The following METAP1 variants were observed in gnomAD, a reference collection of about 807,000 sequenced individuals.
METAP1 encodes the protein methionine aminopeptidase 1.
Under a neutral mutation model 53.8 loss-of-function variants are expected in METAP1, and 28 were observed. The observed-to-expected ratio is 0.52, with a 90% CI of 0.39 to 0.71. The LOEUF (loss-of-function observed/expected upper bound fraction) is 0.71, where lower values mean the gene tolerates loss of function less well. Ranked by LOEUF, METAP1 falls within the 30% of genes least tolerant of loss-of-function variation. The pLI is 0.00. For missense variants in METAP1, 389 were observed against 479.8 expected (o/e 0.81, Z 1.77); for synonymous variants, 181 against 165.7 (o/e 1.09, Z -0.71).
rs1429050088 is a variant in METAP1, at chr4:99,051,428, T to G, written c.931+2552T>G. Among the ~76,000 whole-genome samples the G allele has an allele frequency of 2.6e-5, 4 of 152,150 alleles. 1 individual carries two copies. Among genetic ancestry groups the G allele is most frequent in the African/African-American group, 9.7e-5 (4 of 41,428 alleles). On this transcript the variant is annotated intron_variant, in intron 9 of 10. Transcript: ENST00000296411. Reference sequence around the variant, plus strand: ...TTTTTTGAGACAGGATCTCGCTGTGTCGCCTAGGCTAAAGTGTAGTGGTGC... The same window carrying G: ...TTTTTTGAGACAGGATCTCGCTGTGGCGCCTAGGCTAAAGTGTAGTGGTGC...
chr4:99,039,428 C>A lies in METAP1; in HGVS notation c.395C>A (p.Ser132Ter). 6.2e-7 allele frequency: 1 copy of A among 1,610,754 alleles called. No homozygotes were observed. Among genetic ancestry groups the A allele is most frequent in the Non-Finnish European group, 8.5e-7 (1 of 1,177,326 alleles). The change falls in exon 5 of 11, where the codon TCA (serine) becomes TAA (stop). Residue 132 changes from serine (S) to a stop codon, truncating the protein, a stop_gained. Coordinates refer to ENST00000296411, the MANE Select transcript of METAP1 (RefSeq NM_015143.3). LOFTEE classifies it high-confidence loss of function. ...LKGTSQIKLL[S>*]SEDIEGMRLV... is the part of the protein sequence containing the mutation. ...GGTACTTCTCAGATTAAATTACTCTCATCTGAAGATATAGAAGGGATGCGA... is the reference window on the plus strand; with the variant it reads ...GGTACTTCTCAGATTAAATTACTCTAATCTGAAGATATAGAAGGGATGCGA...
At chr4:99,037,152 T>C (rs1725478432) in intron 4 of METAP1, among the ~76,000 whole-genome samples, 2 of 151,796 alleles carry the variant, frequency 1.3e-5, no homozygotes, top group South Asian at 4.1e-4. Context: ...TTAGCCTTTT[T>C]TTCCCTGTTA....
At chr4:99,052,042 G>C (rs1451705656) in intron 9 of METAP1, among the ~76,000 whole-genome samples, 1 of 152,160 alleles carries the variant, frequency 6.6e-6, no homozygotes. Flanking sequence ...CTAGACCCTT[G>C]CAATATAGTG....
chr4:99,043,936 T>C (rs1726043630), intron 7 of METAP1, among the ~76,000 whole-genome samples: 1 of 152,174 alleles, frequency 6.6e-6, no homozygotes, highest in East Asian at 1.9e-4. Context: ...TTGTTTTGTG[T>C]ATTATTTTAT....
chr4:99,057,741 C>CT lies in METAP1; in HGVS notation c.932-9dup. 1 of 1,569,386 alleles carries CT rather than the reference C, an allele frequency of 6.4e-7. No individual in the cohort carries two copies. ...TTTTGCTACCTTTTGAGATTTTTTTCTTTGATTTCAGAAAATAAAGCAGTT... is the reference window on the plus strand; with the variant it reads ...TTTTGCTACCTTTTGAGATTTTTTTCTTTTGATTTCAGAAAATAAAGCAGTT... On this transcript the variant is annotated splice_polypyrimidine_tract_variant and intron_variant, in intron 9 of 10. Coordinates refer to ENST00000296411, the MANE Select transcript of METAP1 (RefSeq NM_015143.3).
At chr4:99,055,016 T>G (rs1438755418) in intron 9 of METAP1, among the ~76,000 whole-genome samples, 1 of 151,970 alleles carries the variant, frequency 6.6e-6, no homozygotes, top group African/African-American at 2.4e-5. Context: ...AGACATGAAG[T>G]GAACATGCAC....
intron 1 of METAP1, chr4:99,022,451 G>C (rs1490566254): frequency 1.6e-6 from 1 of 632,596 alleles, no homozygotes. Context: ...CCTACTGGCT[G>C]TGCTGCTTTC....
At chr4:99,003,318 A>G (rs1485101148) in intron 1 of METAP1, among the ~76,000 whole-genome samples, 1 of 152,222 alleles carries the variant, frequency 6.6e-6, no homozygotes, top group Admixed American at 6.5e-5. Flanking sequence ...CAAAACGCAA[A>G]CCAATCTTTG....
chr4:98,995,864 G>A lies in METAP1; in HGVS notation c.111G>A (p.Ser37=). 1 of 1,538,904 alleles carries A rather than the reference G, an allele frequency of 6.5e-7. No homozygotes were observed. Among genetic ancestry groups the A allele is most frequent in the African/African-American group, 1.4e-5 (1 of 71,738 alleles). ...KLGIQGSYFC[S]QECFKGSWAT... ...GCATCCAGGGCTCGTACTTCTGCTCGCAGGTAGGCGCCCGCTGCCCCGCGG... is the reference window on the plus strand; with the variant it reads ...GCATCCAGGGCTCGTACTTCTGCTCACAGGTAGGCGCCCGCTGCCCCGCGG... Residue 37 remains serine (S), a synonymous_variant, in exon 1 of 11, where the codon TCG becomes TCA. Coordinates refer to ENST00000296411, the MANE Select transcript of METAP1 (RefSeq NM_015143.3).
chr4:99,001,793 A>G (rs1722939493), intron 1 of METAP1, among the ~76,000 whole-genome samples: 1 of 152,220 alleles, frequency 6.6e-6, no homozygotes. Context: ...CCAGAATTGA[A>G]CTATCCTAAG....
At chr4:99,033,309 T>C (rs1023891310) in intron 2 of METAP1, among the ~76,000 whole-genome samples, 2 of 152,016 alleles carry the variant, frequency 1.3e-5, no homozygotes, top group Non-Finnish European at 2.9e-5. Flanking sequence ...TTTTAAAACC[T>C]ATGGTAGAAT....
intron 1 of METAP1, chr4:99,023,763 G>A (rs916089375): frequency 1.0e-5 from 10 of 985,420 alleles, no homozygotes; most frequent in Non-Finnish European, 1.1e-5. Flanking sequence ...GGAGTTAGTT[G>A]CACTGGTTAA....
At chr4:98,996,593 C>T (rs1722645225) in intron 1 of METAP1, among the ~76,000 whole-genome samples, 1 of 152,108 alleles carries the variant, frequency 6.6e-6, no homozygotes, top group South Asian at 2.1e-4. Flanking sequence ...ACTGAATTTC[C>T]CAGAGTGAAA....
chr4:99,001,243 A>T (rs1722911405), intron 1 of METAP1, among the ~76,000 whole-genome samples: 1 of 152,206 alleles, frequency 6.6e-6, no homozygotes. Context: ...GACCACCCTT[A>T]AACACTCCTG....
At position 99,035,453 on chromosome 4, in the gene METAP1, T is replaced by A. The variant is rs1725360170; in HGVS notation, c.333T>A (p.His111Gln). The change falls in exon 4 of 11, where the codon CAT becomes CAA. Residue 111 changes from histidine (H) to glutamine (Q), a missense_variant. Transcript: ENST00000296411. The stretch of plus-strand genomic sequence containing the variant: ...TTCAAAGACCAGATTATGCTGATCA[T>A]CCCTTAGGTAAGCTCTGCTATGTTG... ...SYIQRPDYAD[H>Q]PLGMSESEQA... The A allele has an allele frequency of 6.5e-7, 1 of 1,546,024 alleles. No individual in the cohort carries two copies. Among genetic ancestry groups the A allele is most frequent in the Non-Finnish European group, 8.8e-7 (1 of 1,142,198 alleles).
intron 1 of METAP1, chr4:99,005,992 A>C (rs1401675992): frequency 6.1e-6 from 1 of 163,204 alleles, no homozygotes; most frequent in Non-Finnish European, 1.4e-5. Flanking sequence ...GGATGACTGC[A>C]CTAAAATCTC....
intron 1 of METAP1, among the ~76,000 whole-genome samples, chr4:99,004,773 C>T (rs1723102141): frequency 6.6e-6 from 1 of 152,112 alleles, no homozygotes; most frequent in South Asian, 2.1e-4. Flanking sequence ...AAAATGATTA[C>T]ATGTATTCTT....
intron 10 of METAP1, among the ~76,000 whole-genome samples, chr4:99,059,725 C>A (rs1409437990): frequency 6.6e-6 from 1 of 151,918 alleles, no homozygotes; most frequent in Non-Finnish European, 1.5e-5. Flanking sequence ...CTCATTATGA[C>A]CCCTTCACCC....
At chr4:99,025,325 T>A in intron 1 of METAP1, 1 of 961,262 alleles carries the variant, frequency 1.0e-6, no homozygotes, top group Non-Finnish European at 1.2e-6. Context: ...AGGTCAGATC[T>A]CTTTCACTGT....
Sources: gnomAD v4.1 joint callset for allele counts (sites outside exome capture counted in the v4.1 genomes callset) on GRCh38, gnomAD v4.1.1 for gene constraint, MANE v1.5 for transcripts, NCBI Gene and HGNC (gene_info 2026-07-23, HGNC 2026-07-21) for gene names.